ARID5B: variants seen among roughly 807,000 people sequenced by gnomAD.
ARID5B encodes the protein AT-rich interactive domain-containing protein 5B.
A neutral mutation model predicts 97.2 loss-of-function variants in ARID5B; 13 were observed. The ratio of observed to expected loss-of-function variants is 0.13; its 90% CI spans 0.09 to 0.21. The LOEUF is 0.21. ARID5B is among the 10% of genes least tolerant of loss of function. The pLI, the probability that ARID5B is intolerant of heterozygous loss-of-function variation, is 1.00. For missense variants in ARID5B, 1,210 were observed against 1,465.3 expected (o/e 0.83, Z 2.84); for synonymous variants, 556 against 570.3 (o/e 0.97, Z 0.36).
intron 3 of ARID5B, among the ~76,000 whole-genome samples, chr10:61,972,280 T>C (rs1838639573): frequency 1.4e-5 from 2 of 144,516 alleles, no homozygotes; most frequent in East Asian, 4.1e-4. Context: ...CAGGCTGGAG[T>C]GCAGTGGTGC....
At chr10:62,069,172 A>T (rs901113841) in intron 7 of ARID5B, among the ~76,000 whole-genome samples, 1 of 152,262 alleles carries the variant, frequency 6.6e-6, no homozygotes, top group Non-Finnish European at 1.5e-5. Flanking sequence ...TAATCTGTGT[A>T]GTAATTTTAT....
intron 3 of ARID5B, among the ~76,000 whole-genome samples, chr10:61,943,000 G>T (rs1366256757): frequency 1.3e-5 from 2 of 152,050 alleles, no homozygotes; most frequent in Admixed American, 6.5e-5. Context: ...ACCCCTTTAA[G>T]GATAGAATTT....
chr10:61,910,284 G>A (rs1303993293), intron 2 of ARID5B, among the ~76,000 whole-genome samples: 1 of 152,176 alleles, frequency 6.6e-6, no homozygotes, highest in Non-Finnish European at 1.5e-5. Context: ...ATTTATCAAA[G>A]TCTAGTTTTA....
At chr10:62,011,674 C>T (rs1057314306) in intron 4 of ARID5B, among the ~76,000 whole-genome samples, 1 of 152,202 alleles carries the variant, frequency 6.6e-6, no homozygotes, top group African/African-American at 2.4e-5. Flanking sequence ...CTTTTCAGAG[C>T]ACCTCCACCT....
intron 9 of ARID5B, among the ~76,000 whole-genome samples, chr10:62,087,232 G>T (rs1254625253): frequency 7.3e-6 from 1 of 136,140 alleles, no homozygotes; most frequent in Non-Finnish European, 1.5e-5. Context: ...CCAGGAGGCG[G>T]AGCTTGCAGT....
chr10:62,013,602 G>A (rs936552959), intron 4 of ARID5B, among the ~76,000 whole-genome samples: 35 of 151,922 alleles, frequency 2.3e-4, no homozygotes, highest in African/African-American at 8.4e-4. Flanking sequence ...CCAGCCCCTG[G>A]TGACCACCAT....
At chr10:61,983,970 C>T (rs1838813708) in intron 3 of ARID5B, among the ~76,000 whole-genome samples, 1 of 23,132 alleles carries the variant, frequency 4.3e-5, no homozygotes, top group African/African-American at 1.3e-4. Flanking sequence ...TCACTGCAAG[C>T]TCCGCTTCCC....
At chr10:62,083,439 A>AC (rs1265319660) in intron 8 of ARID5B, among the ~76,000 whole-genome samples, 1 of 152,096 alleles carries the variant, frequency 6.6e-6, no homozygotes, top group Non-Finnish European at 1.5e-5. Context: ...GGCTCTCAGA[A>AC]CCCAGAGTGA....
intron 4 of ARID5B, among the ~76,000 whole-genome samples, chr10:62,026,697 G>A (rs1384342215): frequency 1.3e-5 from 2 of 152,166 alleles, no homozygotes; most frequent in East Asian, 3.8e-4. Context: ...GTCAAGTTGA[G>A]TCAGGGCTTA....
intron 4 of ARID5B, among the ~76,000 whole-genome samples, chr10:62,047,622 G>C (rs1311802500): frequency 1.3e-5 from 2 of 152,118 alleles, no homozygotes; most frequent in African/African-American, 4.8e-5. Flanking sequence ...AGCTTTCAAG[G>C]AGAGGGCAGG....
At chr10:62,039,755 C>A (rs750936687) in intron 4 of ARID5B, among the ~76,000 whole-genome samples, 5 of 152,212 alleles carry the variant, frequency 3.3e-5, no homozygotes, top group Non-Finnish European at 7.3e-5. Context: ...AGAGTTCAAA[C>A]CTTTTTGTTC....
Position 62,059,127 on chromosome 10 carries a change from G to C in ARID5B, c.1049-116G>C, listed in dbSNP as rs558718644. The C allele has an allele frequency of 1.8e-5, 14 of 759,948 alleles. No homozygotes were observed. The South Asian group carries it at 2.9e-4, about 16-fold the overall frequency. 47.1% of individuals were successfully genotyped at this position (759,948 alleles called of 1,614,324 possible). ...TTTCCTAAGAACTTAGCTCTCTGGG[G>C]TACTTTAGTATTTCTTTTTTTCTCT... On this transcript the variant is annotated intron_variant, in intron 6 of 9. Coordinates refer to ENST00000279873, the MANE Select transcript of ARID5B (RefSeq NM_032199.3).
At chr10:62,004,665 T>C (rs1839123733) in intron 4 of ARID5B, among the ~76,000 whole-genome samples, 1 of 152,262 alleles carries the variant, frequency 6.6e-6, no homozygotes, top group Admixed American at 6.5e-5. Flanking sequence ...TTATATTGTG[T>C]TATTTCCTAT....
chr10:62,028,004 T>A (rs1839444223), intron 4 of ARID5B, among the ~76,000 whole-genome samples: 1 of 152,198 alleles, frequency 6.6e-6, no homozygotes, highest in African/African-American at 2.4e-5. Context: ...GTCCCTGGTG[T>A]GCATCTGCTT....
At chr10:62,030,162 C>T (rs1839477565) in intron 4 of ARID5B, among the ~76,000 whole-genome samples, 1 of 151,422 alleles carries the variant, frequency 6.6e-6, no homozygotes, top group Non-Finnish European at 1.5e-5. Flanking sequence ...GAATTTCACT[C>T]TTTGTTGCCC....
At chr10:62,058,158 C>A (rs753533689) in intron 6 of ARID5B, among the ~76,000 whole-genome samples, 6 of 152,188 alleles carry the variant, frequency 3.9e-5, no homozygotes, top group African/African-American at 1.2e-4. Flanking sequence ...GGAGAACACT[C>A]GCAGCCATTA....
At chr10:61,948,567 C>T (rs560153978) in intron 3 of ARID5B, among the ~76,000 whole-genome samples, 31 of 152,172 alleles carry the variant, frequency 2.0e-4, no homozygotes, top group African/African-American at 7.0e-4. Context: ...GGGGCTTCAT[C>T]GTGTTGGCCA....
chr10:61,969,174 G>T (rs191103665), intron 3 of ARID5B, among the ~76,000 whole-genome samples: 2 of 152,160 alleles, frequency 1.3e-5, no homozygotes, highest in East Asian at 3.9e-4. Context: ...CAAATAAAGT[G>T]CTTTGTTTTG....
At chr10:62,031,738 G>A (rs1038238319) in intron 4 of ARID5B, among the ~76,000 whole-genome samples, 1 of 151,984 alleles carries the variant, frequency 6.6e-6, no homozygotes, top group East Asian at 1.9e-4. Flanking sequence ...ACCCATGCAC[G>A]GTCTAAAGGA....
Sources: allele counts gnomAD v4.1 joint callset (sites outside exome capture counted in the v4.1 genomes callset), GRCh38; gene constraint gnomAD v4.1.1; transcripts MANE v1.5; gene names NCBI Gene and HGNC (gene_info 2026-07-23, HGNC 2026-07-21).